FYB1: variants seen among roughly 807,000 people sequenced by gnomAD.
FYB1 encodes the protein FYN binding protein 1.
A neutral mutation model predicts 94.1 loss-of-function variants in FYB1; 41 were observed. The ratio of observed to expected loss-of-function variants is 0.44; its 90% CI spans 0.34 to 0.57. The LOEUF is 0.57. Ranked by LOEUF, FYB1 falls within the 20% of genes least tolerant of loss-of-function variation. The pLI, the probability that FYB1 is intolerant of heterozygous loss-of-function variation, is 0.02. For synonymous variants in FYB1, 367 were observed against 353.2 expected (o/e 1.04, Z -0.44); for missense variants, 1,050 against 976.8 (o/e 1.07, Z -1.00).
rs77868433 is a variant in FYB1 at position 39,235,323 on chromosome 5, T to C, written c.-27-32336A>G. Reference sequence around the variant, plus strand: ...GTGCAGGATCTTAAAAATGTTTTTCTTGAGAAATGAACAAAGGTGACATTT... The same window carrying C: ...GTGCAGGATCTTAAAAATGTTTTTCCTGAGAAATGAACAAAGGTGACATTT... On this transcript the variant is annotated intron_variant, in intron 1 of 1. Transcript: ENST00000510188. 8.9e-3 allele frequency among the ~76,000 whole-genome samples: 1,346 copies of C among 151,868 alleles called. 15 individuals carry two copies. Among genetic ancestry groups the C allele is most frequent in the African/African-American group, 0.028 (1,170 of 41,430 alleles).
chr5:39,134,301 T>G lies in FYB1; in HGVS notation c.1724A>C (p.Lys575Thr). ...TAVEIDYDSL[K>T]LKKDSLGAPS... ...GGCACCAAGAGAGTCTTTTTTCAGT[T>G]TCAAAGAATCATAGTCAATCTCTAC... Residue 575 changes from lysine (K) to threonine (T), a missense_variant, in exon 9 of 19, where the codon AAA becomes ACA. Lys to Thr is a moderately conservative substitution (Grantham distance 78). Transcript: ENST00000512982. 1.9e-6 allele frequency: 3 copies of G among 1,611,784 alleles called. No homozygotes were observed. Among genetic ancestry groups the G allele is most frequent in the Non-Finnish European group, 2.5e-6 (3 of 1,178,134 alleles).
chr5:39,109,836 T>C (rs1000226700), intron 17 of FYB1, among the ~76,000 whole-genome samples: 1 of 152,126 alleles, frequency 6.6e-6, no homozygotes, highest in Non-Finnish European at 1.5e-5. Context: ...AATAGAAGAA[T>C]CATTGATGAC....
At chr5:39,118,783 G>A in intron 16 of FYB1, 91 bp downstream of exon 16, 1 of 770,450 alleles carries the variant, frequency 1.3e-6, no homozygotes, top group Admixed American at 3.1e-5. Flanking sequence ...ATAAGAGTTA[G>A]TAAACACAGA....
At chr5:39,120,392 G>C (rs964743383) in intron 14 of FYB1, among the ~76,000 whole-genome samples, 1 of 152,022 alleles carries the variant, frequency 6.6e-6, no homozygotes, top group Non-Finnish European at 1.5e-5. Flanking sequence ...ATATTTTGTA[G>C]ATACCAATTA....
chr5:39,186,800 C>T (rs1001509161), intron 2 of FYB1, among the ~76,000 whole-genome samples: 2 of 151,944 alleles, frequency 1.3e-5, no homozygotes, highest in Non-Finnish European at 2.9e-5. Context: ...TATTGTCTTT[C>T]TTTATGATGT....
At chr5:39,189,305 G>T (rs1747150872) in intron 2 of FYB1, among the ~76,000 whole-genome samples, 1 of 148,594 alleles carries the variant, frequency 6.7e-6, no homozygotes. Flanking sequence ...GAAACAGCCT[G>T]ACTGTCACAT....
chr5:39,255,877 T>G (rs1174822312), intron 1 of FYB1, among the ~76,000 whole-genome samples: 6 of 152,118 alleles, frequency 3.9e-5, no homozygotes, highest in Non-Finnish European at 4.4e-5. Flanking sequence ...TCAGAGAACT[T>G]GAGAAAACAG....
At chr5:39,134,525 T>C (rs1741488500) in intron 8 of FYB1, among the ~76,000 whole-genome samples, 176 bp from the exon 9 acceptor site, 1 of 152,230 alleles carries the variant, frequency 6.6e-6, no homozygotes, top group Non-Finnish European at 1.5e-5. Flanking sequence ...TGTCAAAGTC[T>C]AATCCTGTTG....
chr5:39,242,711 C>G (rs1751268292), intron 1 of FYB1, among the ~76,000 whole-genome samples: 1 of 152,202 alleles, frequency 6.6e-6, no homozygotes, highest in African/African-American at 2.4e-5. Flanking sequence ...CGAGGAATCA[C>G]CACACTGTCA....
chr5:39,122,940 T>G (rs922586982), intron 13 of FYB1, among the ~76,000 whole-genome samples: 6 of 152,178 alleles, frequency 3.9e-5, no homozygotes, highest in Admixed American at 6.6e-5. Flanking sequence ...GAAAGATTAT[T>G]TCTTTTAATT....
chr5:39,269,300 C>T (rs566208619), intron 1 of FYB1, among the ~76,000 whole-genome samples: 5 of 152,304 alleles, frequency 3.3e-5, no homozygotes, highest in African/African-American at 9.6e-5. Flanking sequence ...CCGCCTGCCT[C>T]GGCCTCCCAA....
chr5:39,137,342 A>G (rs1344943386), intron 7 of FYB1: 1 of 312,404 alleles, frequency 3.2e-6, no homozygotes, highest in Non-Finnish European at 6.0e-6. Context: ...AAAGGTAAAT[A>G]TTCATTCACT....
chr5:39,175,273 G>A (rs1418301190), intron 2 of FYB1, among the ~76,000 whole-genome samples: 3 of 152,312 alleles, frequency 2.0e-5, no homozygotes, highest in East Asian at 1.9e-4. Flanking sequence ...TAGGCGTAGG[G>A]AGTTTGACAA....
chr5:39,205,604 A>G (rs1748770722), intron 1 of FYB1, among the ~76,000 whole-genome samples: 1 of 152,200 alleles, frequency 6.6e-6, no homozygotes, highest in African/African-American at 2.4e-5. Flanking sequence ...CCCATGAAAT[A>G]CCCTAGCCCA....
intron 1 of FYB1, among the ~76,000 whole-genome samples, chr5:39,271,539 T>C (rs1483943902): frequency 2.0e-5 from 3 of 152,232 alleles, no homozygotes; most frequent in Non-Finnish European, 4.4e-5. Context: ...ACAGTGCTTA[T>C]TTAGTGTAAG....
rs1303108599 is a variant in FYB1, at chr5:39,110,815, T to C, written c.2402-426A>G. On this transcript the variant is annotated intron_variant, in intron 16 of 18. Transcript: ENST00000512982. ...ATCTAAGACTTACTTTCTAAAATTTTATTATATTGAGCAGAGAGAGAACTG... is the reference window on the plus strand; with the variant it reads ...ATCTAAGACTTACTTTCTAAAATTTCATTATATTGAGCAGAGAGAGAACTG... 3 of 372,320 alleles carry C rather than the reference T, an allele frequency of 8.1e-6. No homozygotes were observed. In the Admixed American group the frequency reaches 1.2e-4, roughly 15 times the overall value. The allele number at this position is 372,320 out of a possible 1,614,324, so 23.1% of individuals were successfully genotyped here.
Position 39,153,548 on chromosome 5 carries a change from A to G in FYB1, c.1192T>C (p.Ser398Pro), listed in dbSNP as rs1375869044. 2 of 1,613,814 alleles carry G rather than the reference A, an allele frequency of 1.2e-6. No individual in the cohort carries two copies. The highest frequency in any genetic ancestry group is 2.2e-5 in the East Asian group (1 of 44,882). ...STTSLPPPPP[S>P]HPASQPPLPA... Reference sequence around the variant, plus strand: ...AATGGTGGTTGGCTGGCCGGATGGGATGGTGGAGGTGGTGGCAGGGAAGTT... The same window carrying G: ...AATGGTGGTTGGCTGGCCGGATGGGGTGGTGGAGGTGGTGGCAGGGAAGTT... The change falls in exon 3 of 19, where the codon TCC becomes CCC. Residue 398 changes from serine to proline, a missense_variant. Transcript: ENST00000512982.
chr5:39,125,408 A>C (rs1206184589), intron 12 of FYB1, among the ~76,000 whole-genome samples: 3 of 152,180 alleles, frequency 2.0e-5, no homozygotes, highest in Non-Finnish European at 4.4e-5. Flanking sequence ...CTTAGATTTT[A>C]TTTGGACAAA....
chr5:39,183,809 A>G (rs867584610), intron 2 of FYB1, among the ~76,000 whole-genome samples: 1 of 152,126 alleles, frequency 6.6e-6, no homozygotes. Context: ...AAAAATGGAG[A>G]TACGTAGGCC....
Sources: allele counts gnomAD v4.1 joint callset (sites outside exome capture counted in the v4.1 genomes callset), GRCh38; gene constraint gnomAD v4.1.1; transcripts MANE v1.5; gene names NCBI Gene and HGNC (gene_info 2026-07-23, HGNC 2026-07-21).